Variants in DCBLD2 observed in about 807,000 individuals in gnomAD.
DCBLD2 encodes the protein discoidin, CUB and LCCL domain containing 2.
A neutral mutation model predicts 86.8 loss-of-function variants in DCBLD2; 54 were observed. That is an observed-to-expected ratio of 0.62 (90% CI 0.50 to 0.78). DCBLD2 has a LOEUF of 0.78. Among genes scored for constraint, DCBLD2 ranks in the 30% least tolerant of loss-of-function variants. The pLI, the probability that DCBLD2 is intolerant of heterozygous loss-of-function variation, is 0.00. For synonymous variants in DCBLD2, 354 were observed against 341.3 expected, an observed-to-expected ratio of 1.04 and a Z score of -0.41; for missense variants, 908 against 954.2, an observed-to-expected ratio of 0.95 and a Z score of 0.64.
At position 98,796,982 on chromosome 3, in the gene DCBLD2, A is replaced by T. The variant is rs112296610; in HGVS notation, c.*2390T>A. The stretch of plus-strand genomic sequence containing the variant: ...CAGATATGGTTACTTTCACATTTTC[A>T]GTTGTTACTTGATTGTCTCCAAAGC... On this transcript the variant is annotated 3_prime_UTR_variant, in exon 16 of 16. Coordinates refer to ENST00000326840, the MANE Select transcript of DCBLD2 (RefSeq NM_080927.4). The T allele has an allele frequency of 6.6e-6, 1 of 151,592 alleles. No homozygotes were observed. Among genetic ancestry groups the T allele is most frequent in the Non-Finnish European group, 1.5e-5 (1 of 67,866 alleles). 9.4% of individuals were successfully genotyped at this position (151,592 alleles called of 1,614,324 possible).
At chr3:98,870,806 A>AAAGAAAGAAAGGAAGGAAGG (rs1559794673) in intron 2 of DCBLD2, among the ~76,000 whole-genome samples, 1 of 123,298 alleles carries the variant, frequency 8.1e-6, no homozygotes. Context: ...AGAAAGAAAG[A>AAAGAAAGAAAGGAAGGAAGG]AAGAAAGGTA....
chr3:98,807,179 C>A (rs564475366), intron 13 of DCBLD2, among the ~76,000 whole-genome samples: 1 of 152,308 alleles, frequency 6.6e-6, no homozygotes, highest in East Asian at 1.9e-4. Context: ...CCACGCCAAG[C>A]GTACATGCGA....
At chr3:98,849,038 G>A (rs541227403) in intron 3 of DCBLD2, among the ~76,000 whole-genome samples, 31 of 151,940 alleles carry the variant, frequency 2.0e-4, no homozygotes, top group South Asian at 1.7e-3. Context: ...GCATGGTGGC[G>A]CATGCCTGTA....
chr3:98,829,050 A>G (rs1035680591), intron 3 of DCBLD2, among the ~76,000 whole-genome samples: 2 of 152,172 alleles, frequency 1.3e-5, no homozygotes, highest in Middle Eastern at 3.2e-3. Context: ...CTAACTAAGG[A>G]ATTTCCTTTG....
At chr3:98,805,158 A>G (rs776064627) in intron 13 of DCBLD2, 23 of 152,208 alleles carry the variant, frequency 1.5e-4, no homozygotes, top group South Asian at 4.1e-4. Flanking sequence ...GTATAAGACT[A>G]TATTTTTGAT....
intron 9 of DCBLD2, chr3:98,815,807 G>A (rs1458672214): frequency 6.6e-6 from 1 of 151,970 alleles, no homozygotes; most frequent in African/African-American, 2.4e-5. Flanking sequence ...CAGAAGAATA[G>A]ATTAGTGAAC....
intron 1 of DCBLD2, among the ~76,000 whole-genome samples, chr3:98,897,205 A>G (rs1367939159): frequency 6.6e-6 from 1 of 152,146 alleles, no homozygotes; most frequent in African/African-American, 2.4e-5. Context: ...AGGGAAAATA[A>G]TATGTTCTTT....
Position 98,801,618 on chromosome 3 carries a change from G to GT in DCBLD2, c.1701dup (p.Pro568ThrfsTer24). 1.2e-6 allele frequency: 2 copies of GT among 1,610,212 alleles called. No homozygotes were observed. The highest frequency in any genetic ancestry group is 1.7e-6 in the Non-Finnish European group (2 of 1,178,142). On this transcript the variant is annotated frameshift_variant, in exon 14 of 16. Transcript: ENST00000326840. LOFTEE classifies it high-confidence loss of function. ...GAGTTACCTGCCCGGTCCCAGTAAG[G>GT]TAAGTCATAGGTGCCTTCAGTTTTT...
At chr3:98,862,038 G>T (rs1293204319) in intron 2 of DCBLD2, among the ~76,000 whole-genome samples, 1 of 151,940 alleles carries the variant, frequency 6.6e-6, no homozygotes, top group African/African-American at 2.4e-5. Context: ...TGATAAAGGG[G>T]ATATCACCAC....
chr3:98,852,389 G>C (rs1942855726), intron 2 of DCBLD2, among the ~76,000 whole-genome samples: 1 of 152,012 alleles, frequency 6.6e-6, no homozygotes, highest in Non-Finnish European at 1.5e-5. Flanking sequence ...TGGGATTACA[G>C]GCGCACACCA....
At position 98,901,523 on chromosome 3, in the gene DCBLD2, G is replaced by C; in HGVS notation, c.-197C>G. 2 of 456,012 alleles carry C rather than the reference G, an allele frequency of 4.4e-6. No individual in the cohort carries two copies. Among genetic ancestry groups the C allele is most frequent in the Non-Finnish European group, 6.9e-6 (2 of 287,792 alleles). The allele number at this position is 456,012 out of a possible 1,614,324, so 28.2% of individuals were successfully genotyped here. On this transcript the variant is annotated 5_prime_UTR_variant, in exon 1 of 16. Transcript: ENST00000326840. The stretch of plus-strand genomic sequence containing the variant: ...CCTTCGTCCCTTCCCTCCGCTCCCC[G>C]CGCCGAGACCCCAGGCCGGAGCGCA...
chr3:98,870,275 CTCTAT>C (rs1253587706), intron 2 of DCBLD2, among the ~76,000 whole-genome samples: 5 of 152,094 alleles, frequency 3.3e-5, no homozygotes, highest in Non-Finnish European at 7.4e-5. Context: ...TATCTGGGTT[CTCTAT>C]TCTGTTTCAT....
chr3:98,857,926 C>T (rs1169480777), intron 2 of DCBLD2, among the ~76,000 whole-genome samples: 1 of 152,274 alleles, frequency 6.6e-6, no homozygotes, highest in African/African-American at 2.4e-5. Context: ...GGATCCCGCA[C>T]CGGGGCTGCA....
chr3:98,843,600 G>GA (rs1416315064), intron 3 of DCBLD2, among the ~76,000 whole-genome samples: 1 of 152,030 alleles, frequency 6.6e-6, no homozygotes, highest in Non-Finnish European at 1.5e-5. Context: ...ATGTAAGAAT[G>GA]AAAAAATGGC....
intron 2 of DCBLD2, among the ~76,000 whole-genome samples, chr3:98,858,623 A>AG (rs1335872438): frequency 6.6e-6 from 1 of 152,274 alleles, no homozygotes; most frequent in African/African-American, 2.4e-5. Context: ...ACACAGAAAG[A>AG]GAAAATACCT....
chr3:98,828,233 G>C (rs553317391), intron 3 of DCBLD2, among the ~76,000 whole-genome samples: 1 of 152,254 alleles, frequency 6.6e-6, no homozygotes, highest in South Asian at 2.1e-4. Flanking sequence ...AAAAACTTTT[G>C]TACTTCACAG....
chr3:98,876,179 A>G (rs1049748833), intron 2 of DCBLD2, among the ~76,000 whole-genome samples: 6 of 151,982 alleles, frequency 3.9e-5, no homozygotes, highest in African/African-American at 1.4e-4. Flanking sequence ...ATAGACTAAT[A>G]TCCCTAAAAG....
chr3:98,858,411 C>CA (rs1246056223), intron 2 of DCBLD2, among the ~76,000 whole-genome samples: 1 of 152,226 alleles, frequency 6.6e-6, no homozygotes, highest in African/African-American at 2.4e-5. Context: ...CAAGTGCTGC[C>CA]AAAGTGGGAG....
rs1283904889 is a variant in DCBLD2, at chr3:98,800,633, C to T, written c.1804G>A (p.Val602Ile). The T allele has an allele frequency of 3.1e-6, 5 of 1,613,964 alleles. No individual in the cohort carries two copies. Among genetic ancestry groups the T allele is most frequent in the South Asian group, 1.1e-5 (1 of 91,078 alleles). Reference sequence around the variant, plus strand: ...ACTTCTCTTGGACTCAGGTGATTAACTTCGCTGCTGCTATAGCGAACTGGG... The same window carrying T: ...ACTTCTCTTGGACTCAGGTGATTAATTTCGCTGCTGCTATAGCGAACTGGG... ...ETPVRYSSSE[V>I]NHLSPREVTT... The change falls in exon 15 of 16, where the codon GTT becomes ATT. Residue 602 changes from valine (V) to isoleucine (I), a missense_variant. Around this residue, in one of 3 missense-constraint regions of DCBLD2, gnomAD observed 606 missense variants for 678.5 expected, o/e 0.89. Coordinates refer to ENST00000326840, the MANE Select transcript of DCBLD2 (RefSeq NM_080927.4).
Sources: gnomAD v4.1 joint callset for allele counts (sites outside exome capture counted in the v4.1 genomes callset) on GRCh38, gnomAD v4.1.1 for gene constraint, gnomAD v4.1.1 regional missense constraint, MANE v1.5 for transcripts, NCBI Gene and HGNC (gene_info 2026-07-23, HGNC 2026-07-21) for gene names.